Variants in LMF1 observed in about 807,000 individuals in gnomAD.
The protein encoded by LMF1 is transmembrane protein 112.
In LMF1, 68 loss-of-function variants were observed where a neutral mutation model predicts 60.6. That is an observed-to-expected ratio of 1.12 (90% CI 0.92 to 1.37). LMF1 has a LOEUF of 1.37. LMF1 is among the 40% of genes most tolerant of loss of function. LMF1 has a pLI of 0.00. For missense variants in LMF1, 948 were observed against 767.2 expected (o/e 1.24, Z -2.78); for synonymous variants, 418 against 324.7 (o/e 1.29, Z -3.09).
At chr16:861,948 T>A (rs1032314332) in intron 10 of LMF1, among the ~76,000 whole-genome samples, 45 of 152,170 alleles carry the variant, frequency 3.0e-4, no homozygotes, top group Admixed American at 2.0e-4. Flanking sequence ...CGGAGGAAGT[T>A]CCTCTCCTTC....
intron 3 of LMF1, among the ~76,000 whole-genome samples, chr16:921,602 A>G (rs921196536): frequency 1.3e-5 from 2 of 152,086 alleles, no homozygotes; most frequent in African/African-American, 4.8e-5. Context: ...GGTGACGGCC[A>G]CTCCCTATAC....
At chr16:971,807 C>T (rs1016593594), upstream of LMF1, among the ~76,000 whole-genome samples, 9 of 152,180 alleles carry the variant, frequency 5.9e-5, no homozygotes, top group African/African-American at 2.2e-4. Context: ...CATTGGAGAC[C>T]TAGGGGTTAG....
chr16:869,365 G>C, intron 9 of LMF1: 1 of 616,746 alleles, frequency 1.6e-6, no homozygotes, highest in South Asian at 1.5e-5. Context: ...TGGCTGAGAC[G>C]GGACCGGGAG....
At chr16:974,425 C>G (rs1266567186), upstream of LMF1, among the ~76,000 whole-genome samples, 2 of 152,174 alleles carry the variant, frequency 1.3e-5, no homozygotes, top group Non-Finnish European at 2.9e-5. Flanking sequence ...AGAGAAAAAG[C>G]CAGGCTGACC....
intron 1 of LMF1, among the ~76,000 whole-genome samples, chr16:967,500 G>T (rs1288035456): frequency 6.6e-6 from 1 of 152,170 alleles, no homozygotes; most frequent in African/African-American, 2.4e-5. Context: ...GGCACCCATG[G>T]GCGGCCGGCA....
At chr16:979,978 T>C (rs1218550032) in intron 1 of LMF1, 1 of 346,072 alleles carries the variant, frequency 2.9e-6, no homozygotes, top group Non-Finnish European at 5.7e-6. Flanking sequence ...CAGACGGAGG[T>C]GTGGGTCTTC....
At chr16:856,062 G>A (rs1438884812) in intron 10 of LMF1, 1 of 424,902 alleles carries the variant, frequency 2.4e-6, no homozygotes, top group African/African-American at 2.0e-5. Flanking sequence ...GCGCCTGATG[G>A]GAGAGAGGGA....
intron 10 of LMF1, chr16:855,253 G>C: frequency 8.1e-6 from 2 of 247,470 alleles, no homozygotes; most frequent in South Asian, 9.7e-5. Context: ...AGGGCTTCAG[G>C]CCCTTCCCTG....
intron 4 of LMF1, among the ~76,000 whole-genome samples, chr16:898,611 A>G (rs1477288611): frequency 6.6e-6 from 1 of 152,212 alleles, no homozygotes; most frequent in African/African-American, 2.4e-5. Flanking sequence ...AGGTCACCAG[A>G]CACCATGAAG....
At chr16:883,626 G>A (rs2070227418) in intron 5 of LMF1, among the ~76,000 whole-genome samples, 1 of 152,204 alleles carries the variant, frequency 6.6e-6, no homozygotes, top group Non-Finnish European at 1.5e-5. Flanking sequence ...ACTCGTACCC[G>A]TGTAAGCCTC....
Position 871,351 on chromosome 16 carries a change from C to G in LMF1, c.898-10G>C, listed in dbSNP as rs200812628. 1 of 1,611,214 alleles carries G rather than the reference C, an allele frequency of 6.2e-7. No individual in the cohort carries two copies. On this transcript the variant is annotated splice_polypyrimidine_tract_variant and intron_variant, in intron 6 of 10. Transcript: ENST00000262301. ...TGACGATGAGGACGGCCTGTGGAGACGCCGCAGCTGAGTCTCGTGCAGGGG... is the reference window on the plus strand; with the variant it reads ...TGACGATGAGGACGGCCTGTGGAGAGGCCGCAGCTGAGTCTCGTGCAGGGG...
rs200830564 is a variant in LMF1 at position 958,904 on chromosome 16, CA to C, written c.194-4239del. Among the ~76,000 whole-genome samples, 740 of 145,350 alleles carry C rather than the reference CA, an allele frequency of 5.1e-3. 3 individuals carry two copies. Among genetic ancestry groups the C allele is most frequent in the Non-Finnish European group, 7.1e-3 (469 of 65,770 alleles). ...TGTCTCAAAAAAAAAACCAAAAAAACAAAACAAAAAAAACACGAACATGGAC... is the reference window on the plus strand; with the variant it reads ...TGTCTCAAAAAAAAAACCAAAAAAACAAACAAAAAAAACACGAACATGGAC... On this transcript the variant is annotated intron_variant, in intron 1 of 10. Coordinates refer to ENST00000262301, the MANE Select transcript of LMF1 (RefSeq NM_022773.4).
At chr16:958,906 A>AAC (rs151030762) in intron 1 of LMF1, among the ~76,000 whole-genome samples, 19,437 of 150,060 alleles carry the variant, frequency 0.13, 1,491 homozygotes, top group African/African-American at 0.23. Context: ...CAAAAAAACA[A>AAC]AACAAAAAAA....
intron 10 of LMF1, among the ~76,000 whole-genome samples, chr16:857,184 C>A (rs143094037): frequency 6.6e-6 from 1 of 152,234 alleles, no homozygotes; most frequent in African/African-American, 2.4e-5. Context: ...GACAGCTGAG[C>A]TCTTTGCAGT....
chr16:939,460 C>A (rs1036540109), intron 2 of LMF1, among the ~76,000 whole-genome samples: 1 of 152,262 alleles, frequency 6.6e-6, no homozygotes, highest in Non-Finnish European at 1.5e-5. Context: ...GTGGGCTTGG[C>A]GCAATGAGCA....
chr16:953,459 ACACG>A (rs2072554261), intron 2 of LMF1, among the ~76,000 whole-genome samples: 1 of 7,770 alleles, frequency 1.3e-4, no homozygotes, highest in Non-Finnish European at 3.2e-4. Flanking sequence ...CCAGCCTCCT[ACACG>A]TCCACACAGA....
rs149150376 is a variant in LMF1, at chr16:863,229, A to C, written c.1529+5715T>G. On this transcript the variant is annotated intron_variant, in intron 10 of 10. Coordinates refer to ENST00000262301, the MANE Select transcript of LMF1 (RefSeq NM_022773.4). ...CGCCCAGGCTGGAGTGCAGTGCTGC[A>C]GTCTCGGCTCGAGCAATTCTCGTGT... Among the ~76,000 whole-genome samples, 708 of 152,286 alleles carry C rather than the reference A, an allele frequency of 4.6e-3. 4 individuals are homozygous for C. Among genetic ancestry groups the C allele is most frequent in the African/African-American group, 0.013 (525 of 41,558 alleles).
At chr16:980,461 C>CCGGT (rs755501153) in intron 1 of LMF1, 2 of 152,276 alleles carry the variant, frequency 1.3e-5, no homozygotes, top group African/African-American at 2.4e-5. Context: ...GCTCCTTCTG[C>CCGGT]CGACCGGGCC....
chr16:948,840 G>A (rs2072337536), intron 2 of LMF1, among the ~76,000 whole-genome samples: 1 of 94,798 alleles, frequency 1.1e-5, no homozygotes, highest in African/African-American at 5.8e-5. Flanking sequence ...CAGAGTCAGA[G>A]CCAACGACAG....
Sources: allele counts gnomAD v4.1 joint callset (sites outside exome capture counted in the v4.1 genomes callset), GRCh38; gene constraint gnomAD v4.1.1; transcripts MANE v1.5; gene names NCBI Gene and HGNC (gene_info 2026-07-23, HGNC 2026-07-21).